RCOR1: variants seen among roughly 807,000 people sequenced by gnomAD.
RCOR1 encodes the protein REST corepressor.
A neutral mutation model predicts 64.0 loss-of-function variants in RCOR1; 12 were observed. The observed-to-expected ratio is 0.19, with a 90% confidence interval of 0.12 to 0.30. The LOEUF is 0.30. Among genes scored for constraint, RCOR1 ranks in the 10% least tolerant of loss-of-function variants. The pLI is 1.00. For missense variants in RCOR1, 502 were observed against 621.2 expected (o/e 0.81, Z 2.04); for synonymous variants, 279 against 227.2 (o/e 1.23, Z -2.05).
rs760044470 is a variant in RCOR1, at chr14:102,707,333, C to T, written c.499-18C>T. The T allele has an allele frequency of 6.8e-7, 1 of 1,461,146 alleles. No homozygotes were observed. Among genetic ancestry groups the T allele is most frequent in the Non-Finnish European group, 9.1e-7 (1 of 1,097,544 alleles). The allele number at this position is 1,461,146 out of a possible 1,614,324, so 90.5% of individuals were successfully genotyped here. A position where few individuals can be genotyped will look rare whatever the true frequency, so the allele number is the denominator to read the frequency against. ...GTTTTTTGTTTGATCTAAAATTTTA[C>T]TGATATCATTTTTGTAGGCTCTTGG... On this transcript the variant is annotated intron_variant, in intron 4 of 11. Transcript: ENST00000262241.
chr14:102,595,154 T>A (rs916542686), intron 2 of RCOR1, among the ~76,000 whole-genome samples: 1 of 152,230 alleles, frequency 6.6e-6, no homozygotes, highest in Non-Finnish European at 1.5e-5. Context: ...GTCTTTGGGC[T>A]TTTTGTTGGA....
intron 7 of RCOR1, among the ~76,000 whole-genome samples, chr14:102,712,004 AT>A (rs978550601): frequency 1.4e-3 from 203 of 149,022 alleles, no homozygotes; most frequent in African/African-American, 4.7e-3. Context: ...CTCTACCTTG[AT>A]TTTTTTTTTC....
In RCOR1 at chr14:102,602,005, A is replaced by G. The variant is rs1312184172; in HGVS notation, c.361+8680A>G. Reference sequence around the variant, plus strand: ...GAAACCCCGTCTCTACTAAAAATATAAAAATTAGCTGGGTGTGGTCGCGGG... The same window carrying G: ...GAAACCCCGTCTCTACTAAAAATATGAAAATTAGCTGGGTGTGGTCGCGGG... On this transcript the variant is annotated intron_variant, in intron 2 of 11. Transcript: ENST00000262241. Among the ~76,000 whole-genome samples, 3 of 151,962 alleles carry G rather than the reference A, an allele frequency of 2.0e-5. No individual in the cohort carries two copies. In the South Asian group the frequency reaches 6.2e-4, roughly 31 times the overall value.
At chr14:102,658,443 A>G (rs1894768535) in intron 2 of RCOR1, 1 of 827,300 alleles carries the variant, frequency 1.2e-6, no homozygotes, top group African/African-American at 1.9e-5. Flanking sequence ...AGCCAAGATC[A>G]CACCATTGCA....
chr14:102,678,190 G>A (rs926065081), intron 2 of RCOR1, among the ~76,000 whole-genome samples: 10 of 151,124 alleles, frequency 6.6e-5, no homozygotes, highest in Admixed American at 1.3e-4. Flanking sequence ...GAGGGAGACC[G>A]TGGAAGGAGA....
chr14:102,678,348 G>A lies in RCOR1; in HGVS notation c.362-3547G>A, dbSNP rs558746325. On this transcript the variant is annotated intron_variant, in intron 2 of 11. Coordinates refer to ENST00000262241, the MANE Select transcript of RCOR1 (RefSeq NM_015156.4). ...GGTGTCTCGCTCTGTCGCCCAGGCT[G>A]GAGTGCAGTGGCGCGATCTTGGCTC... Among the ~76,000 whole-genome samples the A allele has an allele frequency of 7.3e-4, 111 of 152,292 alleles. 1 individual carries two copies. Among genetic ancestry groups the A allele is most frequent in the Middle Eastern group, 6.8e-3 (2 of 294 alleles).
At chr14:102,711,176 T>G (rs1895949479) in intron 7 of RCOR1, among the ~76,000 whole-genome samples, 163 bp downstream of exon 7, 1 of 152,244 alleles carries the variant, frequency 6.6e-6, no homozygotes, top group South Asian at 2.1e-4. Flanking sequence ...ATAGATTGTA[T>G]AATTTTGTTT....
At chr14:102,603,744 C>T (rs77952079) in intron 2 of RCOR1, among the ~76,000 whole-genome samples, 14,311 of 152,078 alleles carry the variant, frequency 0.094, 725 homozygotes, top group Middle Eastern at 0.16. Flanking sequence ...CCTCAGCTTC[C>T]GAGGTAGCTG....
At chr14:102,657,836 T>C (rs1595216124) in intron 2 of RCOR1, 1 of 511,618 alleles carries the variant, frequency 2.0e-6, no homozygotes, top group Non-Finnish European at 2.2e-6. Flanking sequence ...AGACTCCGTC[T>C]CAAAAAAAAA....
intron 2 of RCOR1, among the ~76,000 whole-genome samples, chr14:102,624,865 A>G (rs922845263): frequency 6.6e-6 from 1 of 152,048 alleles, no homozygotes; most frequent in Non-Finnish European, 1.5e-5. Context: ...GGAAAGCCCA[A>G]TACCTACACT....
At chr14:102,690,900 T>C (rs1251030978) in intron 3 of RCOR1, among the ~76,000 whole-genome samples, 1 of 152,210 alleles carries the variant, frequency 6.6e-6, no homozygotes, top group Non-Finnish European at 1.5e-5. Context: ...ATAAATAAGT[T>C]ATTGAATGAA....
chr14:102,692,745 C>A (rs1158193012), intron 3 of RCOR1, among the ~76,000 whole-genome samples: 7 of 139,034 alleles, frequency 5.0e-5, no homozygotes, highest in Non-Finnish European at 3.0e-5. Flanking sequence ...TCCTTCCTTC[C>A]TTCCTTCCTT....
chr14:102,667,319 G>A (rs1271133382), intron 2 of RCOR1, among the ~76,000 whole-genome samples: 1 of 152,068 alleles, frequency 6.6e-6, no homozygotes, highest in Non-Finnish European at 1.5e-5. Flanking sequence ...TGGCCAACAT[G>A]GTGAAACCCC....
intron 2 of RCOR1, among the ~76,000 whole-genome samples, chr14:102,597,230 A>AGGTG (rs1482111866): frequency 6.6e-6 from 1 of 152,034 alleles, no homozygotes; most frequent in African/African-American, 2.4e-5. Context: ...TTGAACAGAG[A>AGGTG]GGTGGACGTG....
chr14:102,598,440 T>A (rs1212968801), intron 2 of RCOR1, among the ~76,000 whole-genome samples: 1 of 149,656 alleles, frequency 6.7e-6, no homozygotes, highest in Non-Finnish European at 1.5e-5. Flanking sequence ...AAAATCCTGA[T>A]TCAGTTCTTT....
intron 11 of RCOR1, among the ~76,000 whole-genome samples, chr14:102,725,046 A>ATTTTGAGCTT (rs1896233468): frequency 1.3e-5 from 2 of 152,294 alleles, no homozygotes; most frequent in South Asian, 4.1e-4. Context: ...AGCCCAAGGC[A>ATTTTGAGCTT]TTTTGAGCTT....
chr14:102,593,011 C>G lies in RCOR1; in HGVS notation c.125C>G (p.Ala42Gly), dbSNP rs1477431256. 1 of 1,204,644 alleles carries G rather than the reference C, an allele frequency of 8.3e-7. No homozygotes were observed. Among genetic ancestry groups the G allele is most frequent in the East Asian group, 3.8e-5 (1 of 26,472 alleles). 74.6% of individuals were successfully genotyped at this position (1,204,644 alleles called of 1,614,324 possible). Residue 42 changes from alanine (A) to glycine (G), a missense_variant, in exon 1 of 12, where the codon GCC (alanine) becomes GGC (glycine). Ala to Gly is a moderately conservative substitution (Grantham distance 60, BLOSUM62 0). Transcript: ENST00000262241. ...AAASAACASP[A>G]ATAASGAAAS... ...GCCTCGGCCGCCTGCGCCTCGCCAG[C>G]CGCCACTGCCGCCTCGGGCGCCGCC...
At chr14:102,639,100 A>G (rs1894304716) in intron 2 of RCOR1, among the ~76,000 whole-genome samples, 1 of 152,166 alleles carries the variant, frequency 6.6e-6, no homozygotes, top group Non-Finnish European at 1.5e-5. Context: ...ACTTGTTGCT[A>G]GGCAGATCTA....
intron 2 of RCOR1, among the ~76,000 whole-genome samples, chr14:102,614,566 C>T (rs1305264827): frequency 6.6e-6 from 1 of 152,104 alleles, no homozygotes; most frequent in East Asian, 1.9e-4. Flanking sequence ...AACTCCCAGA[C>T]TGAATTAAGA....
Sources: allele counts gnomAD v4.1 joint callset (sites outside exome capture counted in the v4.1 genomes callset), GRCh38; gene constraint gnomAD v4.1.1; transcripts MANE v1.5; gene names NCBI Gene and HGNC (gene_info 2026-07-23, HGNC 2026-07-21).